TRMT1L: variants seen among roughly 807,000 people sequenced by gnomAD.
TRMT1L encodes tRNA (guanine(27)-N(2))-dimethyltransferase.
In TRMT1L, 28 loss-of-function variants were observed where a neutral mutation model predicts 81.6. That is an observed-to-expected ratio of 0.34 (90% CI 0.25 to 0.47). The LOEUF is 0.47. TRMT1L is among the 20% of genes least tolerant of loss of function. The probability of loss-of-function intolerance (pLI) is 1.00; values close to 1 mark genes in which losing one functional copy is unlikely to be tolerated. For missense variants in TRMT1L, 739 were observed against 877.1 expected (o/e 0.84, Z 1.99); for synonymous variants, 301 against 303.2 (o/e 0.99, Z 0.07).
intron 10 of TRMT1L, among the ~76,000 whole-genome samples, chr1:185,132,668 T>G (rs188443124): frequency 1.8e-4 from 27 of 151,066 alleles, no homozygotes; most frequent in African/African-American, 6.6e-4. Context: ...AGAGATATTT[T>G]AAGAGCATTC....
At chr1:185,130,076 C>T (rs1028826807) in intron 10 of TRMT1L, among the ~76,000 whole-genome samples, 3 of 152,160 alleles carry the variant, frequency 2.0e-5, no homozygotes, top group Non-Finnish European at 4.4e-5. Context: ...ACCATACAAA[C>T]GTGCCTTTTC....
intron 10 of TRMT1L, among the ~76,000 whole-genome samples, chr1:185,134,705 A>G (rs916199304): frequency 1.3e-4 from 20 of 152,254 alleles, no homozygotes; most frequent in African/African-American, 4.8e-4. Context: ...AACTTCTATA[A>G]GGCACTCAAA....
chr1:185,131,220 C>T (rs1317485917), intron 10 of TRMT1L, among the ~76,000 whole-genome samples: 6 of 151,870 alleles, frequency 4.0e-5, no homozygotes, highest in Admixed American at 3.3e-4. Flanking sequence ...AGGATGGTCT[C>T]GATCTCCTGA....
chr1:185,130,644 G>A (rs976911279), intron 10 of TRMT1L, among the ~76,000 whole-genome samples: 1 of 152,090 alleles, frequency 6.6e-6, no homozygotes, highest in Non-Finnish European at 1.5e-5. Context: ...TTTTTTAAAG[G>A]GTTCAATTAA....
intron 13 of TRMT1L, among the ~76,000 whole-genome samples, chr1:185,122,899 G>A (rs1490815348): frequency 6.6e-6 from 1 of 151,940 alleles, no homozygotes; most frequent in African/African-American, 2.4e-5. Context: ...TGGCCAGGCT[G>A]GTCTTGAACT....
chr1:185,157,039 C>T (rs537209047), upstream of TRMT1L: 6 of 322,824 alleles, frequency 1.9e-5, no homozygotes, highest in South Asian at 3.9e-5. Context: ...CGTCTCCGGC[C>T]CACCGGCCAA....
chr1:185,128,527 T>C (rs1652691144), intron 11 of TRMT1L, 142 bp downstream of exon 11: 2 of 735,902 alleles, frequency 2.7e-6, no homozygotes, highest in East Asian at 5.2e-5. Flanking sequence ...CTCAGGTTCA[T>C]AGGAGGAGAA....
intron 5 of TRMT1L, 23 bp downstream of exon 5, chr1:185,145,416 G>A (rs1258676498): frequency 1.3e-6 from 2 of 1,599,604 alleles, no homozygotes; most frequent in Non-Finnish European, 1.7e-6. Flanking sequence ...ATATTAATAT[G>A]TTAATGAGAT....
chr1:185,124,157 T>A (rs1031356472), intron 12 of TRMT1L, among the ~76,000 whole-genome samples: 2 of 152,124 alleles, frequency 1.3e-5, no homozygotes, highest in African/African-American at 2.4e-5. Context: ...CAGATACAAC[T>A]ACAAAATTGG....
intron 3 of TRMT1L, 21 bp downstream of exon 3, chr1:185,150,358 T>C (rs771097057): frequency 1.3e-6 from 2 of 1,548,602 alleles, no homozygotes; most frequent in Non-Finnish European, 1.8e-6. Context: ...ATTACTTCTT[T>C]GCAAGCACAA....
chr1:185,119,729 T>C lies in TRMT1L; in HGVS notation c.*290A>G, dbSNP rs1393246500. On this transcript the variant is annotated 3_prime_UTR_variant, in exon 15 of 15. Transcript: ENST00000367506. The stretch of plus-strand genomic sequence containing the variant: ...TAACATACATAAAATTCCAAACACT[T>C]TGCATGTGAAAATTTTCTGAATTAT... 2.0e-5 allele frequency: 5 copies of C among 250,560 alleles called. No individual in the cohort carries two copies. The highest frequency in any genetic ancestry group is 1.3e-4 in the South Asian group (1 of 7,934). The allele number at this position is 250,560 out of a possible 1,614,324, so 15.5% of individuals were successfully genotyped here.
At chr1:185,128,534 A>C in intron 11 of TRMT1L, 135 bp downstream of exon 11, 1 of 775,318 alleles carries the variant, frequency 1.3e-6, no homozygotes, top group East Asian at 2.5e-5. Context: ...TCATAGGAGG[A>C]GAAGAGTCAT....
chr1:185,142,509 G>A (rs1414829247), intron 7 of TRMT1L, among the ~76,000 whole-genome samples: 2 of 151,960 alleles, frequency 1.3e-5, no homozygotes, highest in Non-Finnish European at 2.9e-5. Flanking sequence ...CTACTATTAA[G>A]TCTTTTGAGA....
At chr1:185,138,803 C>A (rs1317228688) in intron 9 of TRMT1L, among the ~76,000 whole-genome samples, 1 of 152,134 alleles carries the variant, frequency 6.6e-6, no homozygotes, top group Non-Finnish European at 1.5e-5. Context: ...CTGTTTCTTT[C>A]TGAGGCAGAG....
At chr1:185,144,071 TAATTCTAAACAAAAGATTTCCAAGAAA>T in intron 5 of TRMT1L, 42 bp from the exon 6 acceptor site, 1 of 1,537,314 alleles carries the variant, frequency 6.5e-7, no homozygotes, top group Non-Finnish European at 8.7e-7. Context: ...AAACACAAAA[TAATTCTAAACAAAAGATTTCCAAGAAA>T]ACACAAAATA....
intron 10 of TRMT1L, among the ~76,000 whole-genome samples, chr1:185,133,234 T>C (rs568516246): frequency 2.0e-5 from 3 of 152,324 alleles, no homozygotes; most frequent in African/African-American, 7.2e-5. Context: ...AATCAGCTTT[T>C]ATTTTTATTT....
chr1:185,151,459 C>T (rs1653344365), intron 2 of TRMT1L, among the ~76,000 whole-genome samples: 1 of 152,152 alleles, frequency 6.6e-6, no homozygotes, highest in South Asian at 2.1e-4. Context: ...TAACGTGGAA[C>T]TCTCATACCA....
chr1:185,127,402 A>T (rs1261850005), intron 11 of TRMT1L, among the ~76,000 whole-genome samples: 1 of 152,220 alleles, frequency 6.6e-6, no homozygotes, highest in Admixed American at 6.5e-5. Context: ...CCTTGACCTT[A>T]TAAAGTAATG....
intron 10 of TRMT1L, among the ~76,000 whole-genome samples, chr1:185,130,077 G>C (rs542068060): frequency 6.6e-6 from 1 of 152,204 alleles, no homozygotes; most frequent in East Asian, 1.9e-4. Flanking sequence ...CCATACAAAC[G>C]TGCCTTTTCC....
Sources: allele counts gnomAD v4.1 joint callset (sites outside exome capture counted in the v4.1 genomes callset), GRCh38; gene constraint gnomAD v4.1.1; transcripts MANE v1.5; gene names NCBI Gene and HGNC (gene_info 2026-07-23, HGNC 2026-07-21).